The following MOB1B variants were observed in gnomAD, a reference collection of about 807,000 sequenced individuals.
The protein encoded by MOB1B is MOB1 Mps One Binder homolog B.
Under a neutral mutation model 24.4 loss-of-function variants are expected in MOB1B, and 19 were observed. That is an observed-to-expected ratio of 0.78 (90% CI 0.54 to 1.14). MOB1B has a LOEUF of 1.14. Among genes scored for constraint, MOB1B ranks in the 50% most tolerant of loss-of-function variants. The pLI, the probability that MOB1B is intolerant of heterozygous loss-of-function variation, is 0.00. For missense variants in MOB1B, 243 were observed against 259.6 expected, an observed-to-expected ratio of 0.94 and a Z score of 0.44; for synonymous variants, 76 against 82.1, an observed-to-expected ratio of 0.93 and a Z score of 0.40.
At chr4:70,976,313 T>C (rs1738995428) in intron 4 of MOB1B, 2 of 984,984 alleles carry the variant, frequency 2.0e-6, no homozygotes, top group South Asian at 4.7e-5. Flanking sequence ...GAAGTTCATA[T>C]GGCTTCTATC....
At chr4:70,977,273 T>A (rs1392750965) in intron 4 of MOB1B, among the ~76,000 whole-genome samples, 2 of 152,202 alleles carry the variant, frequency 1.3e-5, no homozygotes, top group Non-Finnish European at 2.9e-5. Context: ...TAGTCATTTT[T>A]GGTTTTTCAT....
In MOB1B at chr4:70,958,756, C is replaced by A; in HGVS notation, c.15-118C>A. On this transcript the variant is annotated intron_variant, in intron 1 of 5. Coordinates refer to ENST00000309395, the MANE Select transcript of MOB1B (RefSeq NM_173468.4). ...TTTTGGATGGAGAGCACAGTAGTTA[C>A]AGCAATTCTATTGCTGGGATTTAAG... The A allele has an allele frequency of 4.1e-6, 4 of 977,816 alleles. No individual in the cohort carries two copies. In the South Asian group the frequency reaches 5.2e-5, roughly 13 times the overall value. 60.6% of individuals were successfully genotyped at this position (977,816 alleles called of 1,614,324 possible). A position where few individuals can be genotyped will look rare whatever the true frequency, so the allele number is the denominator to read the frequency against.
At chr4:70,920,982 A>G (rs892471052) in intron 1 of MOB1B, among the ~76,000 whole-genome samples, 3 of 152,220 alleles carry the variant, frequency 2.0e-5, no homozygotes, top group Non-Finnish European at 4.4e-5. Flanking sequence ...TGCATCAGAA[A>G]CAAAATAACC....
chr4:70,944,534 C>G (rs139518694), intron 1 of MOB1B, among the ~76,000 whole-genome samples: 6 of 152,094 alleles, frequency 3.9e-5, no homozygotes, highest in African/African-American at 9.6e-5. Context: ...TGGGGCAGCT[C>G]CTTCTGTTAG....
intron 1 of MOB1B, chr4:70,950,589 A>T: frequency 2.1e-6 from 1 of 483,626 alleles, no homozygotes; most frequent in Non-Finnish European, 3.7e-6. Context: ...AATAGCTTGT[A>T]TATCAGAGTT....
intron 1 of MOB1B, among the ~76,000 whole-genome samples, chr4:70,933,722 T>C (rs566832637): frequency 6.6e-6 from 1 of 152,100 alleles, no homozygotes; most frequent in South Asian, 2.1e-4. Context: ...TGGCTAATTT[T>C]TGTATTTTTA....
rs777892134 is a variant in MOB1B, at chr4:70,979,134, C to T, written c.416C>T (p.Pro139Leu). 15 of 1,613,030 alleles carry T rather than the reference C, an allele frequency of 9.3e-6. No individual in the cohort carries two copies. The highest frequency in any genetic ancestry group is 5.0e-5 in the Admixed American group (3 of 59,916). Residue 139 changes from proline (P) to leucine (L), a missense_variant, in exon 5 of 6, where the codon CCG (proline) becomes CTG (leucine). Physicochemically the swap from Pro to Leu is moderately conservative, Grantham distance 98. Coordinates refer to ENST00000309395, the MANE Select transcript of MOB1B (RefSeq NM_173468.4). Reference sequence around the variant, plus strand: ...TTGTTTATCTCTTTTCTAGGTGTCCCGTTCCCAAAGAATTTCATGTCTGTG... The same window carrying T: ...TTGTTTATCTCTTTTCTAGGTGTCCTGTTCCCAAAGAATTTCATGTCTGTG... ...ETLFPSKIGVPFPKNFMSVAK... is the reference protein window; with the variant it reads ...ETLFPSKIGVLFPKNFMSVAK...
intron 3 of MOB1B, among the ~76,000 whole-genome samples, chr4:70,970,584 G>A (rs1035038954): frequency 6.6e-5 from 10 of 152,090 alleles, no homozygotes; most frequent in African/African-American, 2.4e-4. Flanking sequence ...AAAAAATGTG[G>A]GTTGAATCAG....
chr4:70,957,753 A>AT lies in MOB1B; in HGVS notation c.15-1103dup, dbSNP rs10706196. On this transcript the variant is annotated intron_variant, in intron 1 of 5. Coordinates refer to ENST00000309395, the MANE Select transcript of MOB1B (RefSeq NM_173468.4). ...GTCACCACACTCAGCTCCCTGCCTT[A>AT]TTTTTTTTTTTTTTTTTTCAAGAGA... Among the ~76,000 whole-genome samples the AT allele has an allele frequency of 6.7e-3, 811 of 121,144 alleles. 4 individuals are homozygous for AT. The highest frequency in any genetic ancestry group is 0.016 in the South Asian group (61 of 3,760). 79.5% of individuals were successfully genotyped at this position (121,144 alleles called of 152,430 possible).
intron 1 of MOB1B, among the ~76,000 whole-genome samples, chr4:70,956,293 AT>A (rs1044889451): frequency 1.7e-4 from 26 of 151,966 alleles, no homozygotes; most frequent in African/African-American, 6.0e-4. Flanking sequence ...TTGAAAAAAA[AT>A]TTTAAATATA....
At chr4:70,944,430 A>G (rs1737485836) in intron 1 of MOB1B, among the ~76,000 whole-genome samples, 1 of 152,108 alleles carries the variant, frequency 6.6e-6, no homozygotes, top group Non-Finnish European at 1.5e-5. Context: ...ATGACTGATC[A>G]AATTGTGTTT....
chr4:70,911,635 T>C (rs1273603758), intron 1 of MOB1B, among the ~76,000 whole-genome samples: 1 of 152,174 alleles, frequency 6.6e-6, no homozygotes, highest in East Asian at 1.9e-4. Context: ...TTACCATTAT[T>C]GATTTCTTTC....
chr4:70,904,244 A>T (rs528980825), intron 1 of MOB1B, among the ~76,000 whole-genome samples: 107 of 151,622 alleles, frequency 7.1e-4, no homozygotes, highest in Non-Finnish European at 1.4e-3. Context: ...TTGATCTCCC[A>T]AAGTGCTGGG....
At chr4:70,939,112 G>T (rs1443945653) in intron 1 of MOB1B, among the ~76,000 whole-genome samples, 1 of 152,144 alleles carries the variant, frequency 6.6e-6, no homozygotes, top group Non-Finnish European at 1.5e-5. Flanking sequence ...CTAATACACT[G>T]CAGTGATTCA....
chr4:70,912,886 G>A (rs960341954), intron 1 of MOB1B, among the ~76,000 whole-genome samples: 22 of 152,062 alleles, frequency 1.4e-4, no homozygotes, highest in African/African-American at 4.8e-4. Context: ...TCAGCCTCCT[G>A]AGTAGCTGGG....
chr4:70,979,011 C>A, intron 4 of MOB1B, 117 bp from the exon 5 acceptor site: 1 of 813,652 alleles, frequency 1.2e-6, no homozygotes, highest in South Asian at 1.7e-5. Flanking sequence ...TGTATAAATT[C>A]ATAAATGCTA....
In MOB1B at chr4:70,903,280, G is replaced by A. The variant is rs143953331; in HGVS notation, c.14+730G>A. Among the ~76,000 whole-genome samples the A allele has an allele frequency of 4.8e-3, 735 of 152,320 alleles. 4 individuals are homozygous for A. Among genetic ancestry groups the A allele is most frequent in the Middle Eastern group, 6.8e-3 (2 of 294 alleles). On this transcript the variant is annotated intron_variant, in intron 1 of 5. Coordinates refer to ENST00000309395, the MANE Select transcript of MOB1B (RefSeq NM_173468.4). ...AGTGTGCCCTGCCTAGGTTGATTAGGTCCACTGGGGAGTTGTTTTGAAAAT... is the reference window on the plus strand; with the variant it reads ...AGTGTGCCCTGCCTAGGTTGATTAGATCCACTGGGGAGTTGTTTTGAAAAT...
intron 1 of MOB1B, among the ~76,000 whole-genome samples, chr4:70,903,836 A>G (rs892935268): frequency 3.3e-5 from 5 of 152,036 alleles, no homozygotes; most frequent in African/African-American, 1.2e-4. Context: ...GCTTGTGTCA[A>G]CTTGCCTAAA....
intron 2 of MOB1B, among the ~76,000 whole-genome samples, chr4:70,961,002 C>G (rs1738280512): frequency 6.6e-6 from 1 of 152,156 alleles, no homozygotes; most frequent in Non-Finnish European, 1.5e-5. Flanking sequence ...GGATACATTC[C>G]AAGATGACCA....
Sources: allele counts gnomAD v4.1 joint callset (sites outside exome capture counted in the v4.1 genomes callset), GRCh38; gene constraint gnomAD v4.1.1; transcripts MANE v1.5; gene names NCBI Gene and HGNC (gene_info 2026-07-23, HGNC 2026-07-21).